The following LRGUK variants were observed in gnomAD, a reference collection of about 807,000 sequenced individuals.
LRGUK encodes the protein leucine-rich repeat and guanylate kinase domain-containing protein.
Under a neutral mutation model 76.0 loss-of-function variants are expected in LRGUK, and 65 were observed. The ratio of observed to expected loss-of-function variants is 0.85; its 90% CI spans 0.70 to 1.05. The LOEUF (loss-of-function observed/expected upper bound fraction) is 1.05, where lower values mean the gene tolerates loss of function less well. LRGUK is among the 50% of genes least tolerant of loss of function. The pLI is 0.00. For synonymous variants in LRGUK, 268 were observed against 265.6 expected, an observed-to-expected ratio of 1.01 and a Z score of -0.09; for missense variants, 758 against 732.8, an observed-to-expected ratio of 1.03 and a Z score of -0.40.
intron 1 of LRGUK, among the ~76,000 whole-genome samples, chr7:134,128,811 G>C (rs1276280609): frequency 6.6e-6 from 1 of 152,070 alleles, no homozygotes; most frequent in East Asian, 1.9e-4. Context: ...CTGCCTCCCA[G>C]AGTGCTGGGA....
chr7:134,155,013 C>A (rs2116897397), intron 5 of LRGUK, among the ~76,000 whole-genome samples: 1 of 152,284 alleles, frequency 6.6e-6, no homozygotes. Flanking sequence ...TACCCACAAG[C>A]AGTGGTTTTA....
At chr7:134,131,664 G>A (rs939688067) in intron 1 of LRGUK, among the ~76,000 whole-genome samples, 4 of 152,120 alleles carry the variant, frequency 2.6e-5, no homozygotes, top group African/African-American at 7.2e-5. Flanking sequence ...TGGCCAGGTG[G>A]TATTAGATTG....
intron 7 of LRGUK, among the ~76,000 whole-genome samples, 162 bp from the exon 8 acceptor site, chr7:134,174,394 C>T (rs1338011781): frequency 1.3e-5 from 2 of 152,076 alleles, no homozygotes; most frequent in African/African-American, 4.8e-5. Flanking sequence ...GCAATAATTC[C>T]CTTGTTCTGT....
In LRGUK at chr7:134,142,118, G is replaced by A. The variant is rs756618023; in HGVS notation, c.488-944G>A. Among the ~76,000 whole-genome samples, 8 of 152,126 alleles carry A rather than the reference G, an allele frequency of 5.3e-5. No homozygotes were observed. In the South Asian group the frequency reaches 6.2e-4, roughly 12 times the overall value. On this transcript the variant is annotated intron_variant, in intron 3 of 15. Coordinates refer to ENST00000645682, the Ensembl canonical transcript of LRGUK. ...AGGTAGAAGCACTTCGCTTGGCTTC[G>A]GGTGAGGAGGCTCCATTCTCCCACT... is the stretch of plus-strand genomic sequence containing the variant.
At chr7:134,248,920 T>A in intron 17 of LRGUK, 31 bp from the exon 18 acceptor site, 1 of 391,274 alleles carries the variant, frequency 2.6e-6, no homozygotes, top group Non-Finnish European at 4.1e-6. Flanking sequence ...AATCCTTTGG[T>A]TTTTTTTTTT....
intron 1 of LRGUK, among the ~76,000 whole-genome samples, chr7:134,128,684 G>C (rs1797140481): frequency 6.6e-6 from 1 of 152,124 alleles, no homozygotes. Flanking sequence ...CGAGTAGCTG[G>C]GACTACAGGT....
At position 134,182,886 on chromosome 7, in the gene LRGUK, C is replaced by T. The variant is rs777823751; in HGVS notation, c.1215-848C>T. ...AAGAGATTCTCCTGCCTCTGCCTCC[C>T]GAGTAACTGGGATTACGGGTGTGCA... is the stretch of plus-strand genomic sequence containing the variant. On this transcript the variant is annotated intron_variant, in intron 10 of 15. Coordinates refer to ENST00000645682, the Ensembl canonical transcript of LRGUK. Among the ~76,000 whole-genome samples the T allele has an allele frequency of 4.5e-4, 68 of 152,090 alleles. 3 individuals carry two copies. Among genetic ancestry groups the T allele is most frequent in the Non-Finnish European group, 2.1e-4 (14 of 68,010 alleles).
At chr7:134,163,956 G>A (rs1798866758) in intron 7 of LRGUK, among the ~76,000 whole-genome samples, 1 of 152,170 alleles carries the variant, frequency 6.6e-6, no homozygotes, top group East Asian at 1.9e-4. Context: ...CCATGATGGG[G>A]GGAGTGTTGG....
chr7:134,190,852 G>GA (rs1019745998), intron 11 of LRGUK, among the ~76,000 whole-genome samples: 10 of 42,388 alleles, frequency 2.4e-4, no homozygotes, highest in Non-Finnish European at 5.3e-4. Flanking sequence ...GGAAAGATAG[G>GA]AAAAAAACAG....
chr7:134,201,534 G>T lies in LRGUK; in HGVS notation c.1801G>T (p.Gly601Ter), dbSNP rs1281182450. The T allele has an allele frequency of 3.7e-6, 6 of 1,613,822 alleles. No individual in the cohort carries two copies. Among genetic ancestry groups the T allele is most frequent in the Non-Finnish European group, 5.1e-6 (6 of 1,179,892 alleles). Residue 601 changes from glycine to a stop codon, truncating the protein, a stop_gained, in exon 15 of 16, where the codon GGA (glycine) becomes TGA (stop). Transcript: ENST00000645682. LOFTEE classifies it low-confidence loss of function (END_TRUNC). Reference sequence around the variant, plus strand: ...GAGTCAGCTCATTAGAGAATACCTTGGATTGACTGAGGAACCTGCCAAGAG... The same window carrying T: ...GAGTCAGCTCATTAGAGAATACCTTTGATTGACTGAGGAACCTGCCAAGAG...
In LRGUK at chr7:134,150,887, AATT is replaced by A. The variant is rs554272701; in HGVS notation, c.670+2573_670+2575del. Among the ~76,000 whole-genome samples, 4 of 152,308 alleles carry A rather than the reference AATT, an allele frequency of 2.6e-5. No individual in the cohort carries two copies. The South Asian group carries it at 8.3e-4, about 32-fold the overall frequency. ...TCATCACTAAAGTATAAAAAGCTGT[AATT>A]ATTACATCAAAACCAATAGAAGTTT... On this transcript the variant is annotated intron_variant, in intron 5 of 15. Coordinates refer to ENST00000645682, the Ensembl canonical transcript of LRGUK.
chr7:134,221,107 TG>T (rs1423978361), intron 15 of LRGUK, among the ~76,000 whole-genome samples: 2 of 152,124 alleles, frequency 1.3e-5, no homozygotes, highest in Non-Finnish European at 1.5e-5. Flanking sequence ...CATCTTTGGG[TG>T]GGGGTAGCTT....
intron 4 of LRGUK, among the ~76,000 whole-genome samples, chr7:134,146,447 A>G (rs1266161199): frequency 6.6e-6 from 1 of 152,124 alleles, no homozygotes; most frequent in South Asian, 2.1e-4. Context: ...CTAGTTTATT[A>G]TTATTCTATA....
intron 12 of LRGUK, among the ~76,000 whole-genome samples, chr7:134,196,078 C>T (rs925311318): frequency 2.0e-5 from 3 of 152,134 alleles, no homozygotes; most frequent in Admixed American, 6.5e-5. Context: ...ATGCTGCCAC[C>T]GCCATTTGAT....
At chr7:134,145,618 T>C (rs1187063487) in intron 4 of LRGUK, among the ~76,000 whole-genome samples, 1 of 152,212 alleles carries the variant, frequency 6.6e-6, no homozygotes, top group Admixed American at 6.5e-5. Context: ...GTCCTGATAC[T>C]GAAGCATGAA....
At chr7:134,198,722 C>G (rs1337030553) in intron 13 of LRGUK, among the ~76,000 whole-genome samples, 1 of 152,148 alleles carries the variant, frequency 6.6e-6, no homozygotes, top group Non-Finnish European at 1.5e-5. Flanking sequence ...ATCTCCTGGT[C>G]TGCAGGTGAC....
chr7:134,179,599 G>A (rs1799651253), intron 10 of LRGUK, among the ~76,000 whole-genome samples: 1 of 152,036 alleles, frequency 6.6e-6, no homozygotes, highest in South Asian at 2.1e-4. Flanking sequence ...TCAAAAGAGG[G>A]GCATTTATCT....
At chr7:134,194,313 G>A (rs1427313424) in intron 12 of LRGUK, among the ~76,000 whole-genome samples, 1 of 151,912 alleles carries the variant, frequency 6.6e-6, no homozygotes, top group African/African-American at 2.4e-5. Flanking sequence ...CACAGTAGAA[G>A]GTCCTTGTAC....
intron 10 of LRGUK, among the ~76,000 whole-genome samples, chr7:134,180,086 A>G (rs933033683): frequency 4.6e-5 from 7 of 152,206 alleles, no homozygotes; most frequent in Non-Finnish European, 2.9e-5. Context: ...CTGATATGAC[A>G]AAGTTCTCCA....
Sources: allele counts gnomAD v4.1 joint callset (sites outside exome capture counted in the v4.1 genomes callset), GRCh38; gene constraint gnomAD v4.1.1; transcripts MANE v1.5; gene names NCBI Gene and HGNC (gene_info 2026-07-23, HGNC 2026-07-21).